Variants in SUMO3 observed in about 807,000 individuals in gnomAD.
SUMO3 encodes small ubiquitin-related modifier 3.
SUMO3 carries 2 observed loss-of-function variants against 11.1 expected under a neutral mutation model. The observed-to-expected ratio is 0.18, with a 90% confidence interval of 0.07 to 0.57. The LOEUF is 0.57. Among genes scored for constraint, SUMO3 ranks in the 20% least tolerant of loss-of-function variants. The probability of loss-of-function intolerance (pLI) is 0.92; values close to 1 mark genes in which losing one functional copy is unlikely to be tolerated. For missense variants in SUMO3, 70 were observed against 132.8 expected (o/e 0.53, Z 2.32); for synonymous variants, 56 against 53.5 (o/e 1.05, Z -0.20).
intron 3 of SUMO3, 121 bp downstream of exon 3, chr21:44,808,926 A>G (rs1416465077): frequency 6.4e-6 from 5 of 775,320 alleles, no homozygotes; most frequent in Non-Finnish European, 1.1e-5. Context: ...CTAATAATCA[A>G]TATCATTAAG....
chr21:44,808,621 C>T (rs1032736561), intron 3 of SUMO3: 32 of 1,361,294 alleles, frequency 2.4e-5, no homozygotes, highest in African/African-American at 1.2e-4. Flanking sequence ...CTGAGAGAAA[C>T]GAGCTGTGCA....
chr21:44,811,162 A>ACACACC lies in SUMO3; in HGVS notation c.151-2050_151-2045dup, dbSNP rs2146422650. Among the ~76,000 whole-genome samples the ACACACC allele has an allele frequency of 6.7e-6, 1 of 149,378 alleles. No homozygotes were observed. Among genetic ancestry groups the ACACACC allele is most frequent in the Non-Finnish European group, 1.5e-5 (1 of 66,148 alleles). The stretch of plus-strand genomic sequence containing the variant: ...CACACCCACACATACACACACAGGC[A>ACACACC]CACACCCACACATACACACACATGC... On this transcript the variant is annotated intron_variant, in intron 2 of 3. Transcript: ENST00000332859. This position sits in a 1 kb window ranked among gnomAD's most constrained non-coding sequence, Gnocchi z 5.0.
At position 44,811,795 on chromosome 21, in the gene SUMO3, G is replaced by A. The variant is rs781457735; in HGVS notation, c.150+2181C>T. On this transcript the variant is annotated intron_variant, in intron 2 of 3. Coordinates refer to ENST00000332859, the MANE Select transcript of SUMO3 (RefSeq NM_006936.3). The surrounding 1 kb of genome is among the most constrained non-coding windows in gnomAD (Gnocchi z 5.0). ...AAAATATCTAGGACAATGAGCAGCA[G>A]GAGGAACAGGAACTCCAAAAAGAGG... Among the ~76,000 whole-genome samples, 2 of 152,090 alleles carry A rather than the reference G, an allele frequency of 1.3e-5. No individual in the cohort carries two copies. Among genetic ancestry groups the A allele is most frequent in the African/African-American group, 4.8e-5 (2 of 41,416 alleles).
intron 2 of SUMO3, among the ~76,000 whole-genome samples, chr21:44,812,649 T>C (rs2083219012): frequency 6.6e-6 from 1 of 152,078 alleles, no homozygotes. Flanking sequence ...CCCAAGTTTC[T>C]AGAAGGATTT....
Position 44,811,118 on chromosome 21 carries a change from CCACATATACACACAGGCACACACCCA to C in SUMO3, c.151-2026_151-2001del, listed in dbSNP as rs1247337506. On this transcript the variant is annotated intron_variant, in intron 2 of 3. Transcript: ENST00000332859. This position sits in a 1 kb window ranked among gnomAD's most constrained non-coding sequence, Gnocchi z 5.0. The stretch of plus-strand genomic sequence containing the variant: ...CCCACATACACACACATGCACACAC[CCACATATACACACAGGCACACACCCA>C]CACATACACACACAGGCACACACCC... Among the ~76,000 whole-genome samples the C allele has an allele frequency of 1.4e-5, 2 of 144,742 alleles. No homozygotes were observed. Among genetic ancestry groups the C allele is most frequent in the Non-Finnish European group, 3.0e-5 (2 of 66,066 alleles). 95.0% of individuals were successfully genotyped at this position (144,742 alleles called of 152,430 possible).
intron 2 of SUMO3, 27 bp downstream of exon 2, chr21:44,813,949 G>T: frequency 6.2e-7 from 1 of 1,606,652 alleles, no homozygotes. Flanking sequence ...ACACGGGGAG[G>T]CTCTGCGGGG....
Position 44,809,008 on chromosome 21 carries a change from C to T in SUMO3, c.222+39G>A, listed in dbSNP as rs372086437. 1.4e-4 allele frequency: 216 copies of T among 1,582,854 alleles called. 1 individual carries two copies. The South Asian group carries it at 1.9e-3, about 14-fold the overall frequency. ...CAAATGGCAGTTACCCCGCACAAAT[C>T]GGAAGTCGCCCTGGAACCACGCGAA... On this transcript the variant is annotated intron_variant, in intron 3 of 3. Transcript: ENST00000332859.
intron 3 of SUMO3, 32 bp downstream of exon 3, chr21:44,809,015 C>A (rs235293): frequency 2.6e-5 from 41 of 1,602,326 alleles, no homozygotes; most frequent in Non-Finnish European, 3.2e-5. Flanking sequence ...AATCGGAAGT[C>A]GCCCTGGAAC....
Position 44,817,981 on chromosome 21 carries a change from G to T in SUMO3, c.-13C>A. 8.5e-7 allele frequency: 1 copy of T among 1,180,196 alleles called. No homozygotes were observed. Among genetic ancestry groups the T allele is most frequent in the South Asian group, 4.2e-5 (1 of 23,944 alleles). 73.1% of individuals were successfully genotyped at this position (1,180,196 alleles called of 1,614,324 possible). On this transcript the variant is annotated 5_prime_UTR_variant, in exon 1 of 4. Coordinates refer to ENST00000332859, the MANE Select transcript of SUMO3 (RefSeq NM_006936.3). ...TCTCCTCGGACATGGCTGCGCGAGC[G>T]GCGCGGGGAGGCGGCGCGGGGGAAG... is the stretch of plus-strand genomic sequence containing the variant.
chr21:44,815,707 C>T (rs1213045138), intron 1 of SUMO3, among the ~76,000 whole-genome samples: 1 of 152,114 alleles, frequency 6.6e-6, no homozygotes, highest in East Asian at 1.9e-4. Context: ...ACGTCCCCCA[C>T]AGGGTAATGG....
chr21:44,807,759 G>C lies in SUMO3; in HGVS notation c.223-719C>G, dbSNP rs1487472939. Among the ~76,000 whole-genome samples, 1 of 152,098 alleles carries C rather than the reference G, an allele frequency of 6.6e-6. No individual in the cohort carries two copies. Among genetic ancestry groups the C allele is most frequent in the East Asian group, 1.9e-4 (1 of 5,170 alleles). ...ACCCTCACCCTGCCACCGACACTAT[G>C]GGCTGGAGGGAGAGCCCCCAGGCAG... On this transcript the variant is annotated intron_variant, in intron 3 of 3. Transcript: ENST00000332859. The surrounding 1 kb of genome is among the most constrained non-coding windows in gnomAD (Gnocchi z 4.3).
intron 2 of SUMO3, among the ~76,000 whole-genome samples, chr21:44,812,801 C>T (rs575194657): frequency 1.8e-4 from 28 of 152,336 alleles, no homozygotes; most frequent in African/African-American, 6.5e-4. Context: ...TGCCATCCCG[C>T]AGCGCAGAGG....
At chr21:44,814,888 C>T (rs978470074) in intron 1 of SUMO3, among the ~76,000 whole-genome samples, 1 of 152,226 alleles carries the variant, frequency 6.6e-6, no homozygotes, top group Non-Finnish European at 1.5e-5. Flanking sequence ...TGTCTTGTTG[C>T]CTGAAAATGC....
intron 1 of SUMO3, among the ~76,000 whole-genome samples, chr21:44,816,929 A>G (rs1365974127): frequency 4.9e-3 from 31 of 6,286 alleles, no homozygotes; most frequent in Non-Finnish European, 5.3e-3. Context: ...CACATCGTGG[A>G]GGGGGTGATG....
intron 3 of SUMO3, chr21:44,808,405 T>C (rs1213642128): frequency 1.6e-5 from 15 of 949,240 alleles, no homozygotes; most frequent in East Asian, 9.7e-5. Flanking sequence ...CCCAGCTACT[T>C]GGGAGGCTGA....
intron 3 of SUMO3, chr21:44,808,530 T>C: frequency 7.1e-7 from 1 of 1,417,204 alleles, no homozygotes; most frequent in East Asian, 2.8e-5. Context: ...AAAAAGTCTG[T>C]TTCCAGGTCC....
chr21:44,813,782 TA>T, intron 2 of SUMO3, 193 bp downstream of exon 2: 1 of 1,487,436 alleles, frequency 6.7e-7, no homozygotes, highest in Non-Finnish European at 8.9e-7. Flanking sequence ...CTCCACCTTA[TA>T]AAAGGCCATG....
At chr21:44,813,791 AT>A in intron 2 of SUMO3, 184 bp downstream of exon 2, 1 of 1,499,046 alleles carries the variant, frequency 6.7e-7, no homozygotes, top group Non-Finnish European at 8.9e-7. Context: ...ATAAAAGGCC[AT>A]GGGGGACAAG....
rs1196466794 is a variant in SUMO3 at position 44,809,082 on chromosome 21, C to T, written c.187G>A (p.Gly63Arg). Residue 63 changes from glycine to arginine, a missense_variant, in exon 3 of 4, where the codon GGG becomes AGG. By Grantham distance (125) the Gly-to-Arg change is moderately radical. Transcript: ENST00000332859. ...SMRQIRFRFD[G>R]QPINETDTPA... ...GTGTCAGTTTCATTGATTGGCTGCC[C>T]GTCGAACCTGAATCTGATCTGCCTC... The T allele has an allele frequency of 3.1e-6, 5 of 1,613,866 alleles. No homozygotes were observed. The highest frequency in any genetic ancestry group is 3.4e-6 in the Non-Finnish European group (4 of 1,179,996).
Sources: allele counts gnomAD v4.1 joint callset (sites outside exome capture counted in the v4.1 genomes callset), GRCh38; gene constraint gnomAD v4.1.1; non-coding constraint Gnocchi (gnomAD v3.1); transcripts MANE v1.5; gene names NCBI Gene and HGNC (gene_info 2026-07-23, HGNC 2026-07-21).